Variants in MGST1 observed in about 807,000 individuals in gnomAD.
The protein encoded by MGST1 is glutathione S-transferase 12.
A neutral mutation model predicts 8.9 loss-of-function variants in MGST1; 5 were observed. The ratio of observed to expected loss-of-function variants is 0.56; its 90% CI spans 0.29 to 1.19. The LOEUF is 1.19. Ranked by LOEUF, MGST1 falls within the 50% of genes most tolerant of loss-of-function variation. The pLI, the probability that MGST1 is intolerant of heterozygous loss-of-function variation, is 0.08. For synonymous variants in MGST1, 54 were observed against 67.8 expected (o/e 0.80, Z 1.00); for missense variants, 182 against 187.4 (o/e 0.97, Z 0.17).
chr12:16,472,213 C>A (rs1941293451), intron 4 of MGST1, among the ~76,000 whole-genome samples: 1 of 151,948 alleles, frequency 6.6e-6, no homozygotes, highest in South Asian at 2.1e-4. Flanking sequence ...TCTTACCTGC[C>A]CCATAAAAAG....
intron 1 of MGST1, among the ~76,000 whole-genome samples, chr12:16,436,424 C>G (rs560621372): frequency 6.6e-6 from 1 of 151,830 alleles, no homozygotes; most frequent in South Asian, 2.1e-4. Context: ...AGGTACTCTT[C>G]ATACTCTTAA....
chr12:16,456,741 A>G (rs1454294037), intron 4 of MGST1, among the ~76,000 whole-genome samples: 3 of 151,988 alleles, frequency 2.0e-5, no homozygotes, highest in Non-Finnish European at 4.4e-5. Context: ...ACTCATAAAA[A>G]GCACCGTCAA....
At chr12:16,462,579 G>C (rs1941228945) in intron 4 of MGST1, among the ~76,000 whole-genome samples, 1 of 151,728 alleles carries the variant, frequency 6.6e-6, no homozygotes, top group Admixed American at 6.6e-5. Flanking sequence ...AAAAACCTTT[G>C]TTGAAATTAC....
downstream of MGST1, among the ~76,000 whole-genome samples, chr12:16,590,946 A>G (rs1943477588): frequency 6.6e-6 from 1 of 152,066 alleles, no homozygotes; most frequent in Non-Finnish European, 1.5e-5. Flanking sequence ...AGACATCCAA[A>G]AAAACTTCCA....
At chr12:16,383,173 TC>T in exon 1 of MGST1, 1 of 152,998 alleles carries the variant, frequency 6.5e-6, no homozygotes, top group Non-Finnish European at 1.5e-5. Context: ...TGTCTGGCAC[TC>T]CCCAGCGAGA....
intron 4 of MGST1, among the ~76,000 whole-genome samples, chr12:16,490,686 A>G (rs1941433022): frequency 1.3e-5 from 2 of 152,182 alleles, no homozygotes; most frequent in African/African-American, 2.4e-5. Flanking sequence ...TAACTATCCT[A>G]TCTTCCATAT....
chr12:16,564,048 A>G (rs1371313142), intron 4 of MGST1, among the ~76,000 whole-genome samples: 1 of 152,226 alleles, frequency 6.6e-6, no homozygotes, highest in African/African-American at 2.4e-5. Context: ...TACCGGCCAT[A>G]CAATATCAGT....
At chr12:16,477,066 A>G (rs1941328639) in intron 4 of MGST1, among the ~76,000 whole-genome samples, 1 of 152,252 alleles carries the variant, frequency 6.6e-6, no homozygotes, top group African/African-American at 2.4e-5. Context: ...AGGCTGAATA[A>G]GAACCTAAAG....
intron 1 of MGST1, chr12:16,399,386 A>G: frequency 6.6e-7 from 1 of 1,521,212 alleles, no homozygotes; most frequent in Non-Finnish European, 9.1e-7. Context: ...TCTGGCTCAT[A>G]CTTCGACTTT....
Position 16,546,173 on chromosome 12 carries a change from G to A in MGST1, n.483-43355G>A, listed in dbSNP as rs968683355. On this transcript the variant is annotated intron_variant and non_coding_transcript_variant, in intron 4 of 4. Coordinates refer to the MGST1 transcript ENST00000538857. The surrounding 1 kb of genome is among the most constrained non-coding windows in gnomAD (Gnocchi z 4.7). The stretch of plus-strand genomic sequence containing the variant: ...AAAAGTTATTGAAGATGGGTCATAT[G>A]AAAATGTTACCTGTTTCAAATGAAC... Among the ~76,000 whole-genome samples, 1 of 152,086 alleles carries A rather than the reference G, an allele frequency of 6.6e-6. No individual in the cohort carries two copies. The highest frequency in any genetic ancestry group is 2.4e-5 in the African/African-American group (1 of 41,418).
At chr12:16,380,496 G>C (rs9738116), downstream of MGST1, among the ~76,000 whole-genome samples, 1 of 151,954 alleles carries the variant, frequency 6.6e-6, no homozygotes, top group Non-Finnish European at 1.5e-5. Flanking sequence ...GATTGCACTG[G>C]GGTCTGAGAG....
intron 4 of MGST1, among the ~76,000 whole-genome samples, chr12:16,580,000 C>G (rs1204124906): frequency 6.6e-6 from 1 of 152,134 alleles, no homozygotes; most frequent in Non-Finnish European, 1.5e-5. Context: ...TGTACAAAAG[C>G]AGGATCAGTT....
In MGST1 at chr12:16,559,351, A is replaced by G. The variant is rs1942305605; in HGVS notation, n.483-30177A>G. Among the ~76,000 whole-genome samples, 1 of 152,198 alleles carries G rather than the reference A, an allele frequency of 6.6e-6. No individual in the cohort carries two copies. On this transcript the variant is annotated intron_variant and non_coding_transcript_variant, in intron 4 of 4. Transcript: ENST00000538857. The surrounding 1 kb of genome is among the most constrained non-coding windows in gnomAD (Gnocchi z 4.1). ...TATAACTTTCAATAAGAAAAAATGG[A>G]ATTAAGTGATAATACTTTTCAGCTG...
At chr12:16,465,503 T>C (rs781106017) in intron 4 of MGST1, among the ~76,000 whole-genome samples, 15 of 151,816 alleles carry the variant, frequency 9.9e-5, no homozygotes, top group Non-Finnish European at 2.1e-4. Flanking sequence ...CTCCGCCTCC[T>C]GTCAGATCAG....
rs532891301 is a variant in MGST1, at chr12:16,475,045, T to C, written n.482+91441T>C. On this transcript the variant is annotated intron_variant and non_coding_transcript_variant, in intron 4 of 4. Coordinates refer to the MGST1 transcript ENST00000538857. ...GTCTAAATTTGTAACTCAGGGAAGC[T>C]TGGCATTTAGCTCGAGCTGCTTTTG... is the stretch of plus-strand genomic sequence containing the variant. Among the ~76,000 whole-genome samples, 10 of 152,276 alleles carry C rather than the reference T, an allele frequency of 6.6e-5. No individual in the cohort carries two copies. In the Middle Eastern group the frequency reaches 0.01, roughly 155 times the overall value.
intron 1 of MGST1, among the ~76,000 whole-genome samples, chr12:16,395,019 AT>A (rs980613811): frequency 2.0e-5 from 3 of 151,942 alleles, no homozygotes; most frequent in African/African-American, 7.2e-5. Flanking sequence ...ATGCTTTACA[AT>A]TTTTTTGATA....
chr12:16,467,226 C>G (rs1174866271), intron 4 of MGST1, among the ~76,000 whole-genome samples: 2 of 152,130 alleles, frequency 1.3e-5, no homozygotes, highest in Non-Finnish European at 2.9e-5. Context: ...TTCTGGTCTA[C>G]TACTTATACA....
intron 4 of MGST1, among the ~76,000 whole-genome samples, chr12:16,510,765 T>TG (rs1941571716): frequency 6.6e-6 from 1 of 152,320 alleles, no homozygotes; most frequent in Non-Finnish European, 1.5e-5. Context: ...AAGTAAGTGT[T>TG]GGGTGCTTCT....
intron 4 of MGST1, among the ~76,000 whole-genome samples, chr12:16,562,226 G>A (rs1942432517): frequency 6.6e-6 from 1 of 152,034 alleles, no homozygotes; most frequent in South Asian, 2.1e-4. Context: ...TTATTTTTCA[G>A]TGTACTTAAC....
Sources: allele counts gnomAD v4.1 joint callset (sites outside exome capture counted in the v4.1 genomes callset), GRCh38; gene constraint gnomAD v4.1.1; non-coding constraint Gnocchi (gnomAD v3.1); transcripts MANE v1.5; gene names NCBI Gene and HGNC (gene_info 2026-07-23, HGNC 2026-07-21).